Variants in NEU4 observed in about 807,000 individuals in gnomAD.
The protein encoded by NEU4 is neuraminidase 4.
A neutral mutation model predicts 9.9 loss-of-function variants in NEU4; 7 were observed. That is an observed-to-expected ratio of 0.71 (90% confidence interval 0.40 to 1.33). The LOEUF is 1.33. NEU4 is among the 40% of genes most tolerant of loss of function. The pLI is 0.01. For synonymous variants in NEU4, 348 were observed against 316.9 expected (o/e 1.10, Z -1.04); for missense variants, 717 against 712.6 (o/e 1.01, Z -0.07).
chr2:241,813,000 G>T (rs1309993664), intron 1 of NEU4, among the ~76,000 whole-genome samples: 2 of 152,232 alleles, frequency 1.3e-5, no homozygotes, highest in Non-Finnish European at 2.9e-5. Context: ...AGAGCCAGGG[G>T]CTTCTTGGGG....
chr2:241,814,597 C>G lies in NEU4; in HGVS notation c.113C>G (p.Ala38Gly). 1.2e-6 allele frequency: 2 copies of G among 1,611,552 alleles called. No homozygotes were observed. The highest frequency in any genetic ancestry group is 2.2e-5 in the East Asian group (1 of 44,820). The change falls in exon 2 of 4, where the codon GCC (alanine) becomes GGC (glycine). Residue 38 changes from alanine (A) to glycine (G), a missense_variant. Ala to Gly is a moderately conservative substitution (Grantham distance 60). Transcript: ENST00000407683. ...LPVPPGPTLL[A>G]FVEQRLSPDD... Reference sequence around the variant, plus strand: ...GTGCCCCCCGGGCCCACCCTGCTGGCCTTTGTGGAGCAGCGGCTCAGCCCT... The same window carrying G: ...GTGCCCCCCGGGCCCACCCTGCTGGGCTTTGTGGAGCAGCGGCTCAGCCCT...
At chr2:241,809,356 C>A in intron 1 of NEU4, 82 bp downstream of exon 1, 3 of 787,866 alleles carry the variant, frequency 3.8e-6, no homozygotes, top group Non-Finnish European at 3.7e-6. Flanking sequence ...GTGTTGAGAA[C>A]AGCCTGTCCG....
chr2:241,811,088 T>C (rs1212799458), intron 1 of NEU4: 1 of 1,170,704 alleles, frequency 8.5e-7, no homozygotes, highest in African/African-American at 1.6e-5. Flanking sequence ...CAGGGCCGCG[T>C]CTCTGGAGCA....
At position 241,816,563 on chromosome 2, in the gene NEU4, C is replaced by T. The variant is rs776234059; in HGVS notation, c.970C>T (p.Pro324Ser). Residue 324 changes from proline to serine, a missense_variant, in exon 4 of 4, where the codon CCC becomes TCC. By Grantham distance (74) the Pro-to-Ser change is moderately conservative (BLOSUM62 -1). Coordinates refer to ENST00000407683, the MANE Select transcript of NEU4 (RefSeq NM_001167600.3). ...ACCCCCAGAGGAGGCTGCTGTAGAC[C>T]CCCGTGGAGGCCAGGTGCCTGGTGG... ...HEPPEEAAVD[P>S]RGGQVPGGPF... 2 of 1,609,294 alleles carry T rather than the reference C, an allele frequency of 1.2e-6. No individual in the cohort carries two copies. Among genetic ancestry groups the T allele is most frequent in the East Asian group, 4.5e-5 (2 of 44,834 alleles).
At chr2:241,814,720 G>A in intron 2 of NEU4, 35 bp downstream of exon 2, 1 of 1,525,490 alleles carries the variant, frequency 6.6e-7, no homozygotes, top group South Asian at 1.2e-5. Flanking sequence ...TGTGGGTGTA[G>A]TGGCCGGATC....
rs1393500027 is a variant in NEU4 at position 241,817,222 on chromosome 2, C to T, written c.*174C>T. On this transcript the variant is annotated 3_prime_UTR_variant, in exon 4 of 4. Transcript: ENST00000407683. ...GACTGCTCTTTAGGAAGGGGAGCAGCGGCTGGGAGTGAGCAGGGCAGGGTG... is the reference window on the plus strand; with the variant it reads ...GACTGCTCTTTAGGAAGGGGAGCAGTGGCTGGGAGTGAGCAGGGCAGGGTG... 6.7e-5 allele frequency: 21 copies of T among 314,106 alleles called. No individual in the cohort carries two copies. The highest frequency in any genetic ancestry group is 1.5e-4 in the Admixed American group (3 of 20,424). The allele number at this position is 314,106 out of a possible 1,614,324, so 19.5% of individuals were successfully genotyped here.
chr2:241,815,908 TGA>T, intron 3 of NEU4, 141 bp from the exon 4 acceptor site: 1 of 813,082 alleles, frequency 1.2e-6, no homozygotes, highest in East Asian at 2.7e-5. Flanking sequence ...GCGGCTGGGA[TGA>T]GTCGTGTGGA....
rs1700224644 is a variant in NEU4 at position 241,814,229 on chromosome 2, T to C, written c.-3-253T>C. 7 of 624,356 alleles carry C rather than the reference T, an allele frequency of 1.1e-5. No individual in the cohort carries two copies. In the East Asian group the frequency reaches 2.1e-4, roughly 19 times the overall value. 38.7% of individuals were successfully genotyped at this position (624,356 alleles called of 1,614,324 possible). A position where few individuals can be genotyped will look rare whatever the true frequency, so the allele number is the denominator to read the frequency against. ...CGAGGGTCAGCTCCCAGAGCCGTGT[T>C]GAGAGGGGAAGGGGCTGATTCCACA... On this transcript the variant is annotated intron_variant, in intron 1 of 3. Transcript: ENST00000407683.
At chr2:241,815,202 A>C in intron 3 of NEU4, 55 bp downstream of exon 3, 1 of 1,481,636 alleles carries the variant, frequency 6.7e-7, no homozygotes, top group Non-Finnish European at 8.9e-7. Flanking sequence ...GTCCACATGG[A>C]AGGGAGATTC....
At chr2:241,816,018 CA>C (rs1265598396) in intron 3 of NEU4, 32 bp from the exon 4 acceptor site, 3 of 1,545,220 alleles carry the variant, frequency 1.9e-6, no homozygotes, top group Non-Finnish European at 2.6e-6. Context: ...GGGGACCCAG[CA>C]GCCCCTCCCA....
rs533165662 is a variant in NEU4 at position 241,815,140 on chromosome 2, C to T, written c.450C>T (p.Ala150=). 43 of 1,556,592 alleles carry T rather than the reference C, an allele frequency of 2.8e-5. No homozygotes were observed. Among genetic ancestry groups the T allele is most frequent in the East Asian group, 2.3e-4 (10 of 43,696 alleles). The change falls in exon 3 of 4, where the codon GCC becomes GCT. Residue 150 remains alanine (A), a synonymous_variant. Coordinates refer to ENST00000407683, the MANE Select transcript of NEU4 (RefSeq NM_001167600.3). ...RDLTEEAIGG[A]VQDWATFAVG... is the part of the protein sequence containing the mutation. ...TCACCGAGGAGGCCATCGGTGGTGC[C>T]GTGCAGGGTAGGCGGGCAGGGTGCC...
intron 3 of NEU4, chr2:241,815,521 G>C (rs549818006): frequency 5.9e-6 from 3 of 507,322 alleles, no homozygotes; most frequent in African/African-American, 5.9e-5. Context: ...CATCCCCCCC[G>C]CTAATCTCTT....
chr2:241,815,720 A>C, intron 3 of NEU4: 1 of 554,818 alleles, frequency 1.8e-6, no homozygotes, highest in Non-Finnish European at 3.3e-6. Context: ...TGGGAGCTAC[A>C]GCAGGGAGTG....
rs1337330445 is a variant in NEU4, at chr2:241,814,889, C to T, written c.202-3C>T. ...GGTCAGCGGAACTTCCTCCTCTGGG[C>T]AGTGGGGTGCCCTGCACGTGCTGGG... On this transcript the variant is annotated splice_region_variant and splice_polypyrimidine_tract_variant and intron_variant, in intron 2 of 3. Transcript: ENST00000407683. 2 of 1,606,282 alleles carry T rather than the reference C, an allele frequency of 1.2e-6. No homozygotes were observed. Among genetic ancestry groups the T allele is most frequent in the South Asian group, 1.1e-5 (1 of 90,670 alleles).
chr2:241,812,869 G>A (rs1700175074), intron 1 of NEU4, among the ~76,000 whole-genome samples: 1 of 152,206 alleles, frequency 6.6e-6, no homozygotes, highest in Admixed American at 6.5e-5. Context: ...TGCTCCTGTG[G>A]TCCGGGCCTT....
chr2:241,812,203 G>A (rs572193666), intron 1 of NEU4, among the ~76,000 whole-genome samples: 1 of 152,018 alleles, frequency 6.6e-6, no homozygotes, highest in Non-Finnish European at 1.5e-5. Flanking sequence ...GGTTGGCGGG[G>A]GTGGGGGGGG....
intron 3 of NEU4, chr2:241,815,733 G>A (rs1700303778): frequency 1.8e-6 from 1 of 564,772 alleles, no homozygotes; most frequent in Non-Finnish European, 3.2e-6. Flanking sequence ...AGGGAGTGCA[G>A]CAGACACATG....
In NEU4 at chr2:241,816,372, TCCTGCCCGCAGAGCGCGTGGCTTC is replaced by T. The variant is rs771715053; in HGVS notation, c.788_811del (p.Ala263_Pro270del). On this transcript the variant is annotated inframe_deletion, in exon 4 of 4. Transcript: ENST00000407683. ...CTCAGCACTGACGAGGGCACCTCCTTCCTGCCCGCAGAGCGCGTGGCTTCCCTGCCCGAGACTGCCTGGGGCTGC... is the reference window on the plus strand; with the variant it reads ...CTCAGCACTGACGAGGGCACCTCCTTCCTGCCCGAGACTGCCTGGGGCTGC... 6 of 1,593,272 alleles carry T rather than the reference TCCTGCCCGCAGAGCGCGTGGCTTC, an allele frequency of 3.8e-6. No homozygotes were observed. The highest frequency in any genetic ancestry group is 5.1e-6 in the Non-Finnish European group (6 of 1,173,188).
At chr2:241,816,014 C>T (rs1243594509) in intron 3 of NEU4, 37 bp from the exon 4 acceptor site, 6 of 1,536,204 alleles carry the variant, frequency 3.9e-6, no homozygotes, top group Non-Finnish European at 5.2e-6. Flanking sequence ...CCTCGGGGAC[C>T]CAGCAGCCCC....
Sources: gnomAD v4.1 joint callset for allele counts (sites outside exome capture counted in the v4.1 genomes callset) on GRCh38, gnomAD v4.1.1 for gene constraint, MANE v1.5 for transcripts, NCBI Gene and HGNC (gene_info 2026-07-23, HGNC 2026-07-21) for gene names.